The following MGAT4C variants were observed in gnomAD, a reference collection of about 807,000 sequenced individuals.
The protein encoded by MGAT4C is alpha-1,3-mannosyl-glycoprotein 4-beta-N-acetylglucosaminyltransferase C.
In MGAT4C, 19 loss-of-function variants were observed where a neutral mutation model predicts 40.1. That is an observed-to-expected ratio of 0.47 (90% CI 0.33 to 0.70). The LOEUF is 0.70. Among genes scored for constraint, MGAT4C ranks in the 30% least tolerant of loss-of-function variants. The probability of loss-of-function intolerance (pLI) is 0.02; values close to 1 mark genes in which losing one functional copy is unlikely to be tolerated. For missense variants in MGAT4C, 491 were observed against 563.2 expected, an observed-to-expected ratio of 0.87 and a Z score of 1.30; for synonymous variants, 181 against 187.1, an observed-to-expected ratio of 0.97 and a Z score of 0.27.
At position 86,317,579 on chromosome 12, in the gene MGAT4C, A is replaced by G. The variant is rs542756881; in HGVS notation, c.-57+16486T>C. Among the ~76,000 whole-genome samples the G allele has an allele frequency of 1.3e-5, 2 of 152,070 alleles. 1 individual carries two copies. Among genetic ancestry groups the G allele is most frequent in the Admixed American group, 1.3e-4 (2 of 15,252 alleles). On this transcript the variant is annotated intron_variant, in intron 4 of 7. Transcript: ENST00000548651. ...ACATTGAGAGTAGGAAGGATGTGTG[A>G]CTGGGATGGTAGTTTTGACTTTGGG...
chr12:86,407,815 C>T (rs1956505772), intron 3 of MGAT4C, among the ~76,000 whole-genome samples: 1 of 152,038 alleles, frequency 6.6e-6, no homozygotes, highest in Admixed American at 6.6e-5. Context: ...AGCCTTATGT[C>T]AGCCATAAGG....
chr12:86,110,296 C>CTATATATGTAG (rs375212206), intron 1 of MGAT4C, among the ~76,000 whole-genome samples: 1 of 18,936 alleles, frequency 5.3e-5, no homozygotes, highest in Non-Finnish European at 9.4e-5. Flanking sequence ...TATATATAGT[C>CTATATATGTAG]TCTCTATATA....
At chr12:86,794,754 TTAAC>T (rs1207069648) in intron 1 of MGAT4C, among the ~76,000 whole-genome samples, 9 of 151,896 alleles carry the variant, frequency 5.9e-5, no homozygotes, top group African/African-American at 9.7e-5. Flanking sequence ...GCAAAATTAA[TTAAC>T]TGAGTACAAA....
intron 4 of MGAT4C, among the ~76,000 whole-genome samples, chr12:86,311,538 T>C (rs574643052): frequency 6.6e-6 from 1 of 152,298 alleles, no homozygotes; most frequent in Non-Finnish European, 1.5e-5. Flanking sequence ...TCATCTATTT[T>C]CTGAGATCAA....
At chr12:86,104,523 T>A (rs929606124) in intron 1 of MGAT4C, among the ~76,000 whole-genome samples, 1 of 152,142 alleles carries the variant, frequency 6.6e-6, no homozygotes, top group Non-Finnish European at 1.5e-5. Flanking sequence ...TAAGTTGATT[T>A]CTGGGGAGCA....
At chr12:86,549,345 A>G in intron 2 of MGAT4C, among the ~76,000 whole-genome samples, 1 of 152,156 alleles carries the variant, frequency 6.6e-6, no homozygotes. Flanking sequence ...CATCAGAAAG[A>G]TTCTATAAAG....
intron 4 of MGAT4C, among the ~76,000 whole-genome samples, chr12:86,289,498 G>A (rs554807820): frequency 3.3e-5 from 5 of 152,042 alleles, no homozygotes; most frequent in South Asian, 4.1e-4. Flanking sequence ...GCTTTGGGCC[G>A]TATGACCATT....
intron 2 of MGAT4C, among the ~76,000 whole-genome samples, chr12:86,595,423 C>T (rs1447741324): frequency 6.6e-6 from 1 of 151,232 alleles, no homozygotes; most frequent in African/African-American, 2.4e-5. Flanking sequence ...CCCAGCTACT[C>T]GGGAGGCTGA....
intron 1 of MGAT4C, among the ~76,000 whole-genome samples, chr12:86,105,138 T>A (rs1385726254): frequency 6.6e-6 from 1 of 152,200 alleles, no homozygotes; most frequent in East Asian, 1.9e-4. Context: ...AATTACATCA[T>A]CCACATTTTT....
upstream of MGAT4C, among the ~76,000 whole-genome samples, chr12:86,260,911 A>G (rs1363233440): frequency 1.3e-5 from 2 of 152,024 alleles, no homozygotes; most frequent in Non-Finnish European, 2.9e-5. Flanking sequence ...ATATCTTTGA[A>G]ACAGAAACAA....
chr12:86,295,420 T>A (rs1039363496), intron 4 of MGAT4C, among the ~76,000 whole-genome samples: 1 of 152,132 alleles, frequency 6.6e-6, no homozygotes, highest in African/African-American at 2.4e-5. Context: ...AGTTGTTCAT[T>A]CCTCCTGGTG....
intron 3 of MGAT4C, among the ~76,000 whole-genome samples, chr12:86,342,141 G>C (rs970802174): frequency 2.0e-5 from 3 of 151,942 alleles, no homozygotes; most frequent in Non-Finnish European, 4.4e-5. Flanking sequence ...CTGAAACAAA[G>C]CTCCCAGAGG....
intron 2 of MGAT4C, among the ~76,000 whole-genome samples, chr12:86,574,632 C>A (rs879480683): frequency 4.5e-4 from 68 of 151,588 alleles, no homozygotes; most frequent in Non-Finnish European, 5.8e-4. Context: ...TTATTTGGTT[C>A]ATAAACAGCA....
chr12:86,351,832 T>G (rs2136192433), intron 3 of MGAT4C, among the ~76,000 whole-genome samples: 1 of 152,142 alleles, frequency 6.6e-6, no homozygotes, highest in Middle Eastern at 3.4e-3. Context: ...TGCAGAAAAA[T>G]TCTGTCAAGG....
chr12:86,461,520 C>T (rs1189997620), intron 2 of MGAT4C, among the ~76,000 whole-genome samples: 1 of 152,142 alleles, frequency 6.6e-6, no homozygotes. Flanking sequence ...GCTGGGATTA[C>T]AGGCGTGAGC....
chr12:86,176,957 T>C (rs1262385655), intron 1 of MGAT4C, among the ~76,000 whole-genome samples: 1 of 151,366 alleles, frequency 6.6e-6, no homozygotes, highest in Non-Finnish European at 1.5e-5. Context: ...TTTAAAGTTA[T>C]GTAATTTCCC....
At chr12:86,579,474 A>G (rs1960694278) in intron 2 of MGAT4C, among the ~76,000 whole-genome samples, 1 of 151,612 alleles carries the variant, frequency 6.6e-6, no homozygotes, top group Non-Finnish European at 1.5e-5. Flanking sequence ...AATGCTTTTT[A>G]ACTTCTCATT....
chr12:86,325,903 C>T (rs992208603), intron 4 of MGAT4C, among the ~76,000 whole-genome samples: 1 of 151,594 alleles, frequency 6.6e-6, no homozygotes, highest in Non-Finnish European at 1.5e-5. Flanking sequence ...AATAATAATG[C>T]TTGACACAGG....
intron 4 of MGAT4C, among the ~76,000 whole-genome samples, chr12:86,285,615 T>C (rs1953333814): frequency 1.3e-5 from 2 of 151,994 alleles, no homozygotes; most frequent in Admixed American, 6.6e-5. Context: ...GATGGAAGTG[T>C]GAATTGATAC....
Sources: allele counts gnomAD v4.1 joint callset (sites outside exome capture counted in the v4.1 genomes callset), GRCh38; gene constraint gnomAD v4.1.1; transcripts MANE v1.5; gene names NCBI Gene and HGNC (gene_info 2026-07-23, HGNC 2026-07-21).